ABTB3: variants seen among roughly 807,000 people sequenced by gnomAD.
ABTB3 encodes the protein ankyrin repeat and BTB domain containing 3.
At chr12:107,444,143 C>T in the ABTB3 span, among the ~76,000 whole-genome samples, 2 of 152,206 alleles carry the variant, frequency 1.3e-5, no homozygotes, top group Admixed American at 6.5e-5. Flanking sequence ...AGAAGGCTGG[C>T]GGAAGGTCAG....
the ABTB3 span, among the ~76,000 whole-genome samples, chr12:107,598,710 T>C: frequency 6.6e-6 from 1 of 152,168 alleles, no homozygotes; most frequent in Non-Finnish European, 1.5e-5. Context: ...CCAGAAGACA[T>C]GTAATAAACT....
the ABTB3 span, among the ~76,000 whole-genome samples, chr12:107,443,259 T>C: frequency 2.0e-5 from 3 of 152,166 alleles, no homozygotes; most frequent in East Asian, 5.8e-4. Context: ...GCGGCCTTTT[T>C]TTTTTTAGCT....
chr12:107,508,837 C>G, the ABTB3 span, among the ~76,000 whole-genome samples: 1 of 152,176 alleles, frequency 6.6e-6, no homozygotes, highest in Non-Finnish European at 1.5e-5. Flanking sequence ...GCGTTATGCC[C>G]ATGAGTGTCA....
At chr12:107,560,528 G>A in the ABTB3 span, among the ~76,000 whole-genome samples, 1 of 152,220 alleles carries the variant, frequency 6.6e-6, no homozygotes, top group Admixed American at 6.5e-5. Flanking sequence ...ATCTCTTGGA[G>A]TGAGCACTTC....
the ABTB3 span, among the ~76,000 whole-genome samples, chr12:107,647,109 C>G: frequency 6.6e-6 from 1 of 152,124 alleles, no homozygotes; most frequent in East Asian, 1.9e-4. Context: ...GGAGGAAGAT[C>G]ACTTGAGCTC....
chr12:107,341,140 G>T, the ABTB3 span, among the ~76,000 whole-genome samples: 2 of 152,210 alleles, frequency 1.3e-5, no homozygotes, highest in African/African-American at 2.4e-5. Flanking sequence ...CCTGAGTGCT[G>T]TCTCCCGCAA....
chr12:107,359,913 A>G, the ABTB3 span, among the ~76,000 whole-genome samples: 1 of 152,146 alleles, frequency 6.6e-6, no homozygotes, highest in East Asian at 1.9e-4. Context: ...CACCAGGGTT[A>G]TTGCCAATTT....
the ABTB3 span, among the ~76,000 whole-genome samples, chr12:107,560,694 G>A: frequency 6.6e-6 from 1 of 152,190 alleles, no homozygotes; most frequent in East Asian, 1.9e-4. Flanking sequence ...TCTAGGGATT[G>A]CCGGTAATCT....
At chr12:107,510,805 C>T in the ABTB3 span, among the ~76,000 whole-genome samples, 1 of 152,048 alleles carries the variant, frequency 6.6e-6, no homozygotes, top group Non-Finnish European at 1.5e-5. Flanking sequence ...ACCTGTAGTC[C>T]CAGCTACTTG....
At chr12:107,350,866 G>A in the ABTB3 span, among the ~76,000 whole-genome samples, 1 of 152,168 alleles carries the variant, frequency 6.6e-6, no homozygotes, top group Non-Finnish European at 1.5e-5. Context: ...TTTAGATGGA[G>A]AGGGTTGTTT....
At chr12:107,581,450 A>G in the ABTB3 span, 1 of 600,918 alleles carries the variant, frequency 1.7e-6, no homozygotes, top group Non-Finnish European at 2.4e-6. Context: ...TTGAAGTGGC[A>G]GACGCGGGCT....
the ABTB3 span, among the ~76,000 whole-genome samples, chr12:107,358,203 G>A: frequency 6.6e-6 from 1 of 152,094 alleles, no homozygotes; most frequent in Admixed American, 6.5e-5. Context: ...TTGTTAGGTG[G>A]GGATAAGTGC....
chr12:107,405,495 G>A, the ABTB3 span, among the ~76,000 whole-genome samples: 24 of 145,344 alleles, frequency 1.7e-4, no homozygotes, highest in South Asian at 5.0e-3. Context: ...CATCCTTACT[G>A]AAGGCACCAC....
the ABTB3 span, among the ~76,000 whole-genome samples, chr12:107,469,948 CTTTCTTTCTTTCTTTCTTTCTTTCTT>C: frequency 7.0e-5 from 3 of 42,860 alleles, 1 homozygote; most frequent in African/African-American, 2.7e-4. Flanking sequence ...CTTTCTCTTT[CTTTCTTTCTTTCTTTCTTTCTTTCTT>C]TCTTTCTTTC....
At chr12:107,334,536 A>T in the ABTB3 span, among the ~76,000 whole-genome samples, 1 of 152,206 alleles carries the variant, frequency 6.6e-6, no homozygotes, top group Non-Finnish European at 1.5e-5. Flanking sequence ...TCAGGACTCC[A>T]GCTTGGGACA....
chr12:107,616,981 A>G, the ABTB3 span: 1 of 1,125,092 alleles, frequency 8.9e-7, no homozygotes. Flanking sequence ...TCACCAACCT[A>G]GAGGGAGGGA....
At chr12:107,624,777 A>G in the ABTB3 span, among the ~76,000 whole-genome samples, 1 of 152,240 alleles carries the variant, frequency 6.6e-6, no homozygotes, top group African/African-American at 2.4e-5. Context: ...GCTATCACAA[A>G]TAAAGCTGTT....
the ABTB3 span, chr12:107,640,287 C>CT: frequency 4.0e-5 from 56 of 1,388,036 alleles, no homozygotes; most frequent in African/African-American, 1.0e-4. Context: ...CTAAAGCTAC[C>CT]TTTTTTTCCC....
chr12:107,491,687 G>A, the ABTB3 span, among the ~76,000 whole-genome samples: 4 of 152,144 alleles, frequency 2.6e-5, no homozygotes, highest in Non-Finnish European at 5.9e-5. Flanking sequence ...ACTAGACGTG[G>A]TGGCATGCGC....
Sources: allele counts gnomAD v4.1 joint callset (sites outside exome capture counted in the v4.1 genomes callset), GRCh38; gene constraint gnomAD v4.1.1; transcripts MANE v1.5; gene names NCBI Gene and HGNC (gene_info 2026-07-23, HGNC 2026-07-21).